UNC5D: variants seen among roughly 807,000 people sequenced by gnomAD.
UNC5D encodes unc-5 netrin receptor D, also known as netrin receptor UNC5D.
UNC5D carries 39 observed loss-of-function variants against 105.4 expected under a neutral mutation model. The observed-to-expected ratio is 0.37, with a 90% CI of 0.29 to 0.48. The LOEUF (loss-of-function observed/expected upper bound fraction) is 0.48. Ranked by LOEUF, UNC5D falls within the 20% of genes least tolerant of loss-of-function variation. UNC5D has a pLI of 0.98. For missense variants in UNC5D, 991 were observed against 1,202.4 expected (o/e 0.82, Z 2.60); for synonymous variants, 452 against 450.4 (o/e 1.00, Z -0.04).
In UNC5D at chr8:35,348,096, C is replaced by T. The variant is rs370368605; in HGVS notation, c.103+112209C>T. On this transcript the variant is annotated intron_variant, in intron 1 of 16. Coordinates refer to ENST00000404895, the MANE Select transcript of UNC5D (RefSeq NM_080872.4). ...GTTGGTTATCTGCCTTTTCTCCTGA[C>T]ATTATCCCCACCTCTCCATCTAATG... is the stretch of plus-strand genomic sequence containing the variant. Among the ~76,000 whole-genome samples, 53 of 152,070 alleles carry T rather than the reference C, an allele frequency of 3.5e-4. 1 individual carries two copies. Among genetic ancestry groups the T allele is most frequent in the African/African-American group, 1.2e-3 (48 of 41,540 alleles).
At position 35,568,231 on chromosome 8, in the gene UNC5D, G is replaced by A. The variant is rs1230758230; in HGVS notation, c.456G>A (p.Val152=). 1 of 1,614,098 alleles carries A rather than the reference G, an allele frequency of 6.2e-7. No homozygotes were observed. Among genetic ancestry groups the A allele is most frequent in the Non-Finnish European group, 8.5e-7 (1 of 1,179,988 alleles). ...CCTCCAAGAGCAGGAAGGCCTCTGT[G>A]CGCATAGCCTGTAAGTACATTCTGG... ...LGTSKSRKAS[V]RIAYLRKNFE... The change falls in exon 3 of 17, where the codon GTG becomes GTA. Residue 152 remains valine, a synonymous_variant. Transcript: ENST00000404895.
intron 4 of UNC5D, among the ~76,000 whole-genome samples, chr8:35,647,359 A>C (rs1225407508): frequency 6.6e-6 from 1 of 151,042 alleles, no homozygotes; most frequent in African/African-American, 2.4e-5. Flanking sequence ...TTGTTATTTT[A>C]AAAATCCTGA....
chr8:35,247,674 A>G (rs10105246), intron 1 of UNC5D, among the ~76,000 whole-genome samples: 659 of 16,394 alleles, frequency 0.04, 9 homozygotes, highest in African/African-American at 0.062. Context: ...TATAATATAT[A>G]AATATATATT....
chr8:35,614,503 G>A (rs929307236), intron 4 of UNC5D, among the ~76,000 whole-genome samples: 2 of 151,886 alleles, frequency 1.3e-5, no homozygotes, highest in African/African-American at 4.8e-5. Flanking sequence ...TGACAATGAG[G>A]ACCTTTGCAG....
chr8:35,343,757 A>G lies in UNC5D; in HGVS notation c.103+107870A>G, dbSNP rs1430528683. 2.6e-5 allele frequency among the ~76,000 whole-genome samples: 4 copies of G among 152,078 alleles called. No homozygotes were observed. In the East Asian group the frequency reaches 7.7e-4, roughly 29 times the overall value. On this transcript the variant is annotated intron_variant, in intron 1 of 16. Transcript: ENST00000404895. ...CAGGGCTTGTGGTATCCTCTCTTCT[A>G]TGTTAGCCATCATTTGGTTTTCAGA...
chr8:35,698,926 T>C (rs1586468311), intron 7 of UNC5D, among the ~76,000 whole-genome samples: 1 of 152,204 alleles, frequency 6.6e-6, no homozygotes, highest in African/African-American at 2.4e-5. Context: ...GACTGGAAGG[T>C]AGGGGATCAA....
In UNC5D at chr8:35,563,346, G is replaced by C. The variant is rs974500990; in HGVS notation, c.323-4752G>C. Among the ~76,000 whole-genome samples, 11 of 106,432 alleles carry C rather than the reference G, an allele frequency of 1.0e-4. No homozygotes were observed. The East Asian group carries it at 3.1e-3, about 30-fold the overall frequency. The allele number at this position is 106,432 out of a possible 152,430, so 69.8% of individuals were successfully genotyped here. ...TGTCTTTGGTTAAGTTCATTCCCAG[G>C]TATTTTTTGTGGGGGGTGGGGGGGT... On this transcript the variant is annotated intron_variant, in intron 2 of 16. Transcript: ENST00000404895.
At chr8:35,302,891 A>G (rs1383623143) in intron 1 of UNC5D, among the ~76,000 whole-genome samples, 3 of 152,162 alleles carry the variant, frequency 2.0e-5, no homozygotes, top group African/African-American at 7.2e-5. Context: ...ATATCCTTGC[A>G]TTTTACAAAT....
intron 15 of UNC5D, among the ~76,000 whole-genome samples, chr8:35,772,655 G>A (rs1802060026): frequency 6.6e-6 from 1 of 152,158 alleles, no homozygotes; most frequent in Admixed American, 6.5e-5. Flanking sequence ...CAGATCTGAT[G>A]CTTTACTTAC....
intron 4 of UNC5D, among the ~76,000 whole-genome samples, chr8:35,657,116 A>G (rs1456680993): frequency 8.0e-6 from 1 of 124,744 alleles, no homozygotes. Flanking sequence ...ATATATATAT[A>G]TATATATGCC....
chr8:35,535,784 C>T (rs1473350300), intron 1 of UNC5D, among the ~76,000 whole-genome samples: 7 of 152,136 alleles, frequency 4.6e-5, no homozygotes, highest in African/African-American at 1.7e-4. Context: ...CTCCATCCAT[C>T]CCTTAATTTT....
chr8:35,516,060 T>A (rs1371152), intron 1 of UNC5D, among the ~76,000 whole-genome samples: 9,576 of 152,226 alleles, frequency 0.063, 408 homozygotes, highest in African/African-American at 0.12. Flanking sequence ...TGCTTTTTTT[T>A]ATGTCATTTA....
chr8:35,355,477 T>G (rs1391740445), intron 1 of UNC5D, among the ~76,000 whole-genome samples: 2 of 152,160 alleles, frequency 1.3e-5, no homozygotes, highest in East Asian at 3.9e-4. Flanking sequence ...TCCCCAAAGT[T>G]CTGCTTATCC....
At chr8:35,684,820 T>C in intron 6 of UNC5D, 71 bp downstream of exon 6, 3 of 1,471,614 alleles carry the variant, frequency 2.0e-6, no homozygotes, top group Non-Finnish European at 2.7e-6. Context: ...AAACAATCAA[T>C]GTTACCTTCT....
At chr8:35,394,371 A>AT (rs1793953468) in intron 1 of UNC5D, among the ~76,000 whole-genome samples, 1 of 152,222 alleles carries the variant, frequency 6.6e-6, no homozygotes, top group South Asian at 2.1e-4. Flanking sequence ...TGTTGTGAAA[A>AT]TACAAAAAAG....
intron 1 of UNC5D, among the ~76,000 whole-genome samples, chr8:35,339,182 C>G (rs536954277): frequency 6.6e-6 from 1 of 152,188 alleles, no homozygotes; most frequent in Admixed American, 6.5e-5. Flanking sequence ...AGGAATCTAT[C>G]CATTCCTCCT....
chr8:35,688,881 C>G (rs926202577), intron 7 of UNC5D, among the ~76,000 whole-genome samples: 2 of 152,216 alleles, frequency 1.3e-5, no homozygotes, highest in African/African-American at 2.4e-5. Flanking sequence ...AAGCAACTAC[C>G]TGAACTATGA....
At chr8:35,430,860 G>C (rs561103370) in intron 1 of UNC5D, among the ~76,000 whole-genome samples, 2 of 152,310 alleles carry the variant, frequency 1.3e-5, no homozygotes, top group South Asian at 4.1e-4. Flanking sequence ...CAGAGTGACA[G>C]ATGATGGAAG....
chr8:35,323,801 A>G (rs1454314768), intron 1 of UNC5D, among the ~76,000 whole-genome samples: 1 of 152,162 alleles, frequency 6.6e-6, no homozygotes. Flanking sequence ...CTATGGAGTG[A>G]TTAAACTATT....
Sources: gnomAD v4.1 joint callset for allele counts (sites outside exome capture counted in the v4.1 genomes callset) on GRCh38, gnomAD v4.1.1 for gene constraint, MANE v1.5 for transcripts, NCBI Gene and HGNC (gene_info 2026-07-23, HGNC 2026-07-21) for gene names.